Variants in ELP4 observed in about 807,000 individuals in gnomAD.
ELP4 encodes elongator complex protein 4.
A neutral mutation model predicts 48.9 loss-of-function variants in ELP4; 51 were observed. The ratio of observed to expected loss-of-function variants is 1.04; its 90% CI spans 0.83 to 1.32. ELP4 has a LOEUF of 1.32. ELP4 is among the 40% of genes most tolerant of loss of function. ELP4 has a pLI of 0.00. For missense variants in ELP4, 519 were observed against 514.6 expected (o/e 1.01, Z -0.08); for synonymous variants, 210 against 189.2 (o/e 1.11, Z -0.90).
intron 3 of ELP4, among the ~76,000 whole-genome samples, chr11:31,583,659 T>G (rs1240483985): frequency 2.6e-5 from 4 of 152,204 alleles, no homozygotes; most frequent in Admixed American, 2.6e-4. Flanking sequence ...TTTAAACAAT[T>G]AAGTGTGATG....
chr11:31,547,717 C>G (rs920503008), intron 3 of ELP4, among the ~76,000 whole-genome samples: 6 of 152,198 alleles, frequency 3.9e-5, no homozygotes, highest in African/African-American at 1.4e-4. Context: ...CCTTGTTGAA[C>G]ATTCATGCAA....
chr11:31,684,253 C>T (rs1229546044), intron 9 of ELP4, among the ~76,000 whole-genome samples: 1 of 152,082 alleles, frequency 6.6e-6, no homozygotes, highest in Non-Finnish European at 1.5e-5. Flanking sequence ...GTCACCCAGG[C>T]TGGAGTGCAG....
intron 7 of ELP4, among the ~76,000 whole-genome samples, chr11:31,644,821 C>A (rs564647974): frequency 2.0e-5 from 3 of 151,612 alleles, no homozygotes; most frequent in Admixed American, 6.6e-5. Context: ...AAAACACATA[C>A]GTTTATAAGC....
At chr11:31,750,603 T>G (rs1947699021) in intron 9 of ELP4, among the ~76,000 whole-genome samples, 1 of 152,186 alleles carries the variant, frequency 6.6e-6, no homozygotes, top group Admixed American at 6.5e-5. Context: ...ATAGATGTTT[T>G]CTTCCATAAA....
intron 5 of ELP4, among the ~76,000 whole-genome samples, chr11:31,609,931 A>G (rs1957946030): frequency 6.6e-6 from 1 of 152,086 alleles, no homozygotes; most frequent in African/African-American, 2.4e-5. Flanking sequence ...CTGTAATCCC[A>G]GTTACTCAGG....
At chr11:31,579,178 G>A (rs1445889527) in intron 3 of ELP4, among the ~76,000 whole-genome samples, 2 of 152,128 alleles carry the variant, frequency 1.3e-5, no homozygotes, top group Non-Finnish European at 2.9e-5. Flanking sequence ...ACAGACACAT[G>A]AAAAAATGCT....
At chr11:31,569,838 G>A (rs1458754924) in intron 3 of ELP4, among the ~76,000 whole-genome samples, 1 of 152,200 alleles carries the variant, frequency 6.6e-6, no homozygotes, top group African/African-American at 2.4e-5. Context: ...ACACCAGTCA[G>A]AATGGCTTTT....
At chr11:31,730,829 C>T (rs183212270) in intron 9 of ELP4, among the ~76,000 whole-genome samples, 26 of 152,294 alleles carry the variant, frequency 1.7e-4, no homozygotes, top group Admixed American at 3.9e-4. Context: ...TCTAGCCTGA[C>T]ATAGGACACT....
chr11:31,681,464 A>G (rs1946049028), intron 9 of ELP4, among the ~76,000 whole-genome samples: 1 of 152,206 alleles, frequency 6.6e-6, no homozygotes, highest in African/African-American at 2.4e-5. Flanking sequence ...CCACCAGAAA[A>G]GTGAATACAG....
Position 31,783,758 on chromosome 11 carries a change from C to A in ELP4, c.*234C>A. On this transcript the variant is annotated 3_prime_UTR_variant, in exon 10 of 10. Coordinates refer to ENST00000640961, the MANE Select transcript of ELP4 (RefSeq NM_019040.5). ...GAAAATAATTTTATTTTTAAATAAA[C>A]GCCAAAAAATGTCAAAATCTCAAGA... 2.7e-6 allele frequency: 1 copy of A among 375,452 alleles called. No individual in the cohort carries two copies. 23.3% of individuals were successfully genotyped at this position (375,452 alleles called of 1,614,324 possible). A position where few individuals can be genotyped will look rare whatever the true frequency, so the allele number is the denominator to read the frequency against.
At chr11:31,644,214 G>T (rs959576912) in intron 7 of ELP4, among the ~76,000 whole-genome samples, 12 of 151,742 alleles carry the variant, frequency 7.9e-5, no homozygotes, top group Non-Finnish European at 1.5e-4. Flanking sequence ...ACATACTTGG[G>T]TGATGTCATT....
At chr11:31,546,042 A>G (rs893307096) in intron 3 of ELP4, among the ~76,000 whole-genome samples, 2 of 152,158 alleles carry the variant, frequency 1.3e-5, no homozygotes, top group Non-Finnish European at 2.9e-5. Flanking sequence ...GCCAAAATGT[A>G]AAGACCATCG....
chr11:31,763,139 T>G (rs1425209545), intron 9 of ELP4, among the ~76,000 whole-genome samples: 1 of 152,058 alleles, frequency 6.6e-6, no homozygotes, highest in South Asian at 2.1e-4. Context: ...ATTTTAAAAT[T>G]AACATGTCAC....
At chr11:31,517,839 C>T (rs1019732808) in intron 1 of ELP4, among the ~76,000 whole-genome samples, 2 of 151,694 alleles carry the variant, frequency 1.3e-5, no homozygotes, top group Non-Finnish European at 2.9e-5. Flanking sequence ...AGGCTGGTCT[C>T]GAGCTCCTGA....
At chr11:31,637,165 G>T (rs1944998235) in intron 7 of ELP4, among the ~76,000 whole-genome samples, 1 of 151,740 alleles carries the variant, frequency 6.6e-6, no homozygotes, top group Non-Finnish European at 1.5e-5. Flanking sequence ...TCGCCAAGAA[G>T]CCTGTTAAAG....
At chr11:31,666,432 G>T (rs188247192) in intron 9 of ELP4, among the ~76,000 whole-genome samples, 2 of 152,040 alleles carry the variant, frequency 1.3e-5, no homozygotes, top group African/African-American at 4.8e-5. Flanking sequence ...AGTCGCTCAC[G>T]CCTGTAATCC....
At chr11:31,534,795 A>G (rs1399147075) in intron 2 of ELP4, among the ~76,000 whole-genome samples, 1 of 152,260 alleles carries the variant, frequency 6.6e-6, no homozygotes, top group Admixed American at 6.5e-5. Context: ...TATAATGACC[A>G]TGGTTTAAAT....
Position 31,650,138 on chromosome 11 carries a change from C to T in ELP4, c.1060C>T (p.Pro354Ser). The T allele has an allele frequency of 6.6e-7, 1 of 1,511,670 alleles. No homozygotes were observed. The highest frequency in any genetic ancestry group is 9.1e-7 in the Non-Finnish European group (1 of 1,096,100). The allele number at this position is 1,511,670 out of a possible 1,614,324, so 93.6% of individuals were successfully genotyped here. The change falls in exon 9 of 10, where the codon CCT becomes TCT. Residue 354 changes from proline to serine, a missense_variant. Physicochemically the swap from Pro to Ser is moderately conservative, Grantham distance 74. Transcript: ENST00000640961. ...AGGATTGATTCATATACGGCAGATT[C>T]CTCGGCTTAATAACTTGATCTGTGA... ...YHGLIHIRQIPRLNNLICDES... is the reference protein window; with the variant it reads ...YHGLIHIRQISRLNNLICDES...
intron 3 of ELP4, among the ~76,000 whole-genome samples, chr11:31,570,790 CTTTT>C (rs1183889559): frequency 1.4e-4 from 12 of 86,034 alleles, no homozygotes; most frequent in Non-Finnish European, 2.2e-4. Context: ...ACTGTAAACT[CTTTT>C]TTTTTTTTTT....
Sources: allele counts gnomAD v4.1 joint callset (sites outside exome capture counted in the v4.1 genomes callset), GRCh38; gene constraint gnomAD v4.1.1; transcripts MANE v1.5; gene names NCBI Gene and HGNC (gene_info 2026-07-23, HGNC 2026-07-21).